The following PTPRN2 variants were observed in gnomAD, a reference collection of about 807,000 sequenced individuals.
PTPRN2 encodes the protein receptor-type tyrosine-protein phosphatase N2.
In PTPRN2, 74 loss-of-function variants were observed where a neutral mutation model predicts 118.8. The observed-to-expected ratio is 0.62, with a 90% CI of 0.52 to 0.76. PTPRN2 has a LOEUF of 0.76. PTPRN2 is among the 30% of genes least tolerant of loss of function. The probability of loss-of-function intolerance (pLI) is 0.00; values close to 1 mark genes in which losing one functional copy is unlikely to be tolerated. For synonymous variants in PTPRN2, 641 were observed against 608.0 expected (o/e 1.05, Z -0.80); for missense variants, 1,481 against 1,394.4 (o/e 1.06, Z -0.99).
chr7:157,664,828 A>G (rs61154065), intron 13 of PTPRN2, among the ~76,000 whole-genome samples: 9,123 of 152,286 alleles, frequency 0.06, 643 homozygotes, highest in East Asian at 0.22. Flanking sequence ...TAATTTATAA[A>G]GCAAAATCAA....
chr7:158,249,404 GCA>G (rs1796513170), intron 3 of PTPRN2, among the ~76,000 whole-genome samples: 1 of 84,168 alleles, frequency 1.2e-5, no homozygotes, highest in African/African-American at 4.9e-5. Context: ...ACACCTGCAC[GCA>G]CACACCCTGC....
At chr7:158,019,854 C>T (rs1806735324) in intron 11 of PTPRN2, among the ~76,000 whole-genome samples, 1 of 152,344 alleles carries the variant, frequency 6.6e-6, no homozygotes, top group East Asian at 1.9e-4. Context: ...TGGGGCCGCA[C>T]AGACACAGCA....
intron 11 of PTPRN2, among the ~76,000 whole-genome samples, chr7:157,909,700 C>G (rs1343220479): frequency 6.6e-6 from 1 of 152,250 alleles, no homozygotes; most frequent in East Asian, 1.9e-4. Context: ...GGGCCCTCAT[C>G]CCATCACCTG....
chr7:158,262,194 T>G (rs780614922), intron 3 of PTPRN2, among the ~76,000 whole-genome samples: 34 of 152,172 alleles, frequency 2.2e-4, no homozygotes, highest in Non-Finnish European at 4.9e-4. Context: ...CCTGCTTTCC[T>G]GATGTAAACA....
At chr7:157,577,929 G>A (rs1231296850) in intron 18 of PTPRN2, 92 bp downstream of exon 18, 12 of 1,411,392 alleles carry the variant, frequency 8.5e-6, no homozygotes, top group Non-Finnish European at 1.1e-5. Flanking sequence ...ATGCGGCCCT[G>A]GGGGGCCCTA....
chr7:157,945,165 C>T (rs946138693), intron 11 of PTPRN2, among the ~76,000 whole-genome samples: 9 of 152,138 alleles, frequency 5.9e-5, no homozygotes, highest in Admixed American at 2.0e-4. Context: ...GCGGAGGCCC[C>T]AGTGCTGGGT....
rs1157755229 is a variant in PTPRN2, at chr7:157,899,279, T to G, written c.1724-542A>C. 5.3e-5 allele frequency among the ~76,000 whole-genome samples: 8 copies of G among 152,306 alleles called. No individual in the cohort carries two copies. In the East Asian group the frequency reaches 1.5e-3, roughly 29 times the overall value. On this transcript the variant is annotated intron_variant, in intron 11 of 22. Transcript: ENST00000389418. ...CAATAAAAGCCTCACCCTGGTTTTC[T>G]CCTGATGTAGAATGAGGAAGACTTT...
At chr7:157,737,083 G>C (rs1183562966) in intron 12 of PTPRN2, among the ~76,000 whole-genome samples, 3 of 152,242 alleles carry the variant, frequency 2.0e-5, no homozygotes, top group African/African-American at 7.2e-5. Context: ...TGGATAAACA[G>C]AAGTGAACTA....
chr7:158,386,849 C>A (rs1811424118), intron 2 of PTPRN2, among the ~76,000 whole-genome samples: 1 of 152,146 alleles, frequency 6.6e-6, no homozygotes, highest in Non-Finnish European at 1.5e-5. Context: ...AAATCTGCTA[C>A]CCTAGGAGAT....
rs563948801 is a variant in PTPRN2 at position 157,801,064 on chromosome 7, T to C, written c.1788+97609A>G. 6.8e-6 allele frequency among the ~76,000 whole-genome samples: 1 copy of C among 147,378 alleles called. No individual in the cohort carries two copies. The highest frequency in any genetic ancestry group is 1.5e-5 in the Non-Finnish European group (1 of 66,844). On this transcript the variant is annotated intron_variant, in intron 12 of 22. Transcript: ENST00000389418. The surrounding 1 kb of genome is among the most constrained non-coding windows in gnomAD (Gnocchi z 4.2). ...ATATACACATATATACACATATATATACACATATATATACACACACACACA... is the reference window on the plus strand; with the variant it reads ...ATATACACATATATACACATATATACACACATATATATACACACACACACA...
chr7:158,208,071 G>A (rs1013740726), intron 3 of PTPRN2, among the ~76,000 whole-genome samples: 7 of 152,182 alleles, frequency 4.6e-5, no homozygotes, highest in African/African-American at 1.7e-4. Flanking sequence ...TGAGCTTGAA[G>A]ACTGGCTAGT....
intron 2 of PTPRN2, among the ~76,000 whole-genome samples, chr7:158,329,395 T>C (rs909507984): frequency 2.0e-5 from 3 of 152,206 alleles, no homozygotes; most frequent in East Asian, 3.9e-4. Flanking sequence ...TCCTCCTCCA[T>C]GCAACAGGCT....
At chr7:157,722,824 C>T (rs1799317850) in intron 12 of PTPRN2, among the ~76,000 whole-genome samples, 1 of 152,054 alleles carries the variant, frequency 6.6e-6, no homozygotes, top group Non-Finnish European at 1.5e-5. Context: ...CGAGGCGGTG[C>T]AGGGTGGGGC....
chr7:158,246,234 T>G (rs1445585633), intron 3 of PTPRN2, among the ~76,000 whole-genome samples: 1 of 151,692 alleles, frequency 6.6e-6, no homozygotes, highest in Non-Finnish European at 1.5e-5. Flanking sequence ...ATGAATAAAA[T>G]TATCACTTGA....
intron 12 of PTPRN2, among the ~76,000 whole-genome samples, chr7:157,827,799 C>T (rs916677285): frequency 7.9e-5 from 12 of 152,330 alleles, no homozygotes; most frequent in Middle Eastern, 3.4e-3. Context: ...CCGCCCTCGC[C>T]GGCTGTGATG....
intron 3 of PTPRN2, among the ~76,000 whole-genome samples, chr7:158,267,664 C>A (rs1469855993): frequency 6.6e-6 from 1 of 152,200 alleles, no homozygotes; most frequent in Non-Finnish European, 1.5e-5. Flanking sequence ...GTGGGCACAG[C>A]CTAAGCTTCT....
chr7:158,076,385 G>A (rs1025886175), intron 11 of PTPRN2, among the ~76,000 whole-genome samples: 3 of 152,070 alleles, frequency 2.0e-5, no homozygotes, highest in South Asian at 2.1e-4. Flanking sequence ...TCCACCTGGC[G>A]TGGCCTCCCT....
chr7:157,545,082 TGG>T (rs1246562017), intron 22 of PTPRN2, among the ~76,000 whole-genome samples: 49 of 145,088 alleles, frequency 3.4e-4, no homozygotes, highest in African/African-American at 1.2e-3. Flanking sequence ...GGTGTGTGTG[TGG>T]GTGTGCACCC....
At position 157,929,702 on chromosome 7, in the gene PTPRN2, C is replaced by CT. The variant is rs1799247408; in HGVS notation, c.1724-30966_1724-30965insA. On this transcript the variant is annotated intron_variant, in intron 11 of 22. Coordinates refer to ENST00000389418, the MANE Select transcript of PTPRN2 (RefSeq NM_002847.5). The surrounding 1 kb of genome is among the most constrained non-coding windows in gnomAD (Gnocchi z 4.4). ...TCTACTGTAAGACTTCCCTGTCCCT[C>CT]GGGTGGGGGCGGCATCCTCACAGGG... Among the ~76,000 whole-genome samples the CT allele has an allele frequency of 6.6e-6, 1 of 151,936 alleles. No individual in the cohort carries two copies. Among genetic ancestry groups the CT allele is most frequent in the Non-Finnish European group, 1.5e-5 (1 of 67,988 alleles).
Sources: allele counts gnomAD v4.1 joint callset (sites outside exome capture counted in the v4.1 genomes callset), GRCh38; gene constraint gnomAD v4.1.1; non-coding constraint Gnocchi (gnomAD v3.1); transcripts MANE v1.5; gene names NCBI Gene and HGNC (gene_info 2026-07-23, HGNC 2026-07-21).